NRXN3: variants seen among roughly 807,000 people sequenced by gnomAD.
NRXN3 encodes the protein neurexin III.
Under a neutral mutation model 137.6 loss-of-function variants are expected in NRXN3, and 32 were observed. The ratio of observed to expected loss-of-function variants is 0.23; its 90% CI spans 0.18 to 0.31. The LOEUF (loss-of-function observed/expected upper bound fraction) is 0.31, where lower values mean the gene tolerates loss of function less well. Among genes scored for constraint, NRXN3 ranks in the 10% least tolerant of loss-of-function variants. The probability of loss-of-function intolerance (pLI) is 1.00; values close to 1 mark genes in which losing one functional copy is unlikely to be tolerated. For missense variants in NRXN3, 1,574 were observed against 2,062.5 expected (o/e 0.76, Z 4.59); for synonymous variants, 798 against 784.5 (o/e 1.02, Z -0.29).
At chr14:78,945,481 T>C (rs1305263751) in intron 10 of NRXN3, among the ~76,000 whole-genome samples, 3 of 152,194 alleles carry the variant, frequency 2.0e-5, no homozygotes, top group Non-Finnish European at 4.4e-5. Context: ...TGAGGATTAG[T>C]CATTGCATCT....
intron 11 of NRXN3, among the ~76,000 whole-genome samples, chr14:78,959,195 G>A (rs779492604): frequency 5.3e-5 from 8 of 152,266 alleles, no homozygotes; most frequent in South Asian, 2.1e-4. Context: ...AAGGAAGAGC[G>A]TCTAGGCACA....
chr14:79,400,498 C>T (rs1365745892), intron 15 of NRXN3, among the ~76,000 whole-genome samples: 2 of 152,148 alleles, frequency 1.3e-5, no homozygotes, highest in African/African-American at 4.8e-5. Flanking sequence ...AGTTTACTTA[C>T]TTACATGAGA....
intron 1 of NRXN3, among the ~76,000 whole-genome samples, chr14:78,215,358 A>G (rs1032200221): frequency 3.3e-5 from 5 of 152,088 alleles, no homozygotes; most frequent in African/African-American, 1.2e-4. Flanking sequence ...CATCAGTGGA[A>G]GGAAGGGGTT....
intron 4 of NRXN3, among the ~76,000 whole-genome samples, chr14:78,469,156 A>C (rs973342005): frequency 6.6e-6 from 1 of 152,234 alleles, no homozygotes; most frequent in East Asian, 1.9e-4. Flanking sequence ...ATTAAGCTTA[A>C]ATTTCTGGGT....
At chr14:78,228,885 C>T (rs1381182683) in intron 1 of NRXN3, among the ~76,000 whole-genome samples, 1 of 152,064 alleles carries the variant, frequency 6.6e-6, no homozygotes, top group African/African-American at 2.4e-5. Flanking sequence ...GAATGTGTCC[C>T]CCAAATGAGT....
At chr14:79,064,641 A>G (rs1430474067) in intron 15 of NRXN3, among the ~76,000 whole-genome samples, 1 of 150,114 alleles carries the variant, frequency 6.7e-6, no homozygotes, top group Non-Finnish European at 1.5e-5. Context: ...ATATAAAACT[A>G]GCATATTAAC....
At chr14:78,672,710 C>G (rs1307393051) in intron 6 of NRXN3, among the ~76,000 whole-genome samples, 1 of 152,184 alleles carries the variant, frequency 6.6e-6, no homozygotes, top group African/African-American at 2.4e-5. Flanking sequence ...TGCTGTGTGA[C>G]CGAATGAGCC....
chr14:79,707,960 A>G (rs1446229926), intron 19 of NRXN3, among the ~76,000 whole-genome samples: 1 of 152,202 alleles, frequency 6.6e-6, no homozygotes, highest in Admixed American at 6.5e-5. Flanking sequence ...TTAGGTTGAG[A>G]GAGATGAATA....
chr14:78,514,569 A>T (rs560465709), intron 4 of NRXN3, among the ~76,000 whole-genome samples: 1 of 152,204 alleles, frequency 6.6e-6, no homozygotes, highest in Non-Finnish European at 1.5e-5. Flanking sequence ...GAGTTCAACA[A>T]ATTCAATTTA....
chr14:79,054,521 T>G (rs1443501271), intron 15 of NRXN3, among the ~76,000 whole-genome samples: 1 of 152,168 alleles, frequency 6.6e-6, no homozygotes, highest in East Asian at 1.9e-4. Context: ...GTGTGAAATC[T>G]TATTTGGGGA....
chr14:79,248,340 G>A (rs1272694483), intron 15 of NRXN3, among the ~76,000 whole-genome samples: 2 of 152,096 alleles, frequency 1.3e-5, no homozygotes, highest in Non-Finnish European at 2.9e-5. Context: ...AGAATGCACT[G>A]TGGCTCCACT....
intron 15 of NRXN3, among the ~76,000 whole-genome samples, chr14:79,212,867 CT>C (rs200773063): frequency 3.2e-3 from 459 of 142,494 alleles, no homozygotes; most frequent in Middle Eastern, 7.1e-3. Flanking sequence ...CCTTGGAATG[CT>C]TTTTTTTTTT....
intron 15 of NRXN3, among the ~76,000 whole-genome samples, chr14:79,404,864 G>T: frequency 6.6e-6 from 1 of 152,124 alleles, no homozygotes; most frequent in East Asian, 1.9e-4. Context: ...TATCTGCCCT[G>T]GCAGATATGC....
At chr14:79,229,876 T>C (rs17108976) in intron 15 of NRXN3, among the ~76,000 whole-genome samples, 3,442 of 152,194 alleles carry the variant, frequency 0.023, 119 homozygotes, top group African/African-American at 0.078. Context: ...CAGGGGTAAC[T>C]ATTTTTGCAA....
At chr14:79,732,274 G>T (rs2098926792) in intron 19 of NRXN3, among the ~76,000 whole-genome samples, 1 of 152,014 alleles carries the variant, frequency 6.6e-6, no homozygotes, top group Non-Finnish European at 1.5e-5. Flanking sequence ...TCAAGCTAAG[G>T]TCATTATTAC....
intron 4 of NRXN3, among the ~76,000 whole-genome samples, chr14:78,323,539 G>A (rs1175705807): frequency 1.3e-5 from 2 of 151,964 alleles, no homozygotes; most frequent in African/African-American, 2.4e-5. Flanking sequence ...GGAAGGGAGT[G>A]GTGTTACTAT....
intron 15 of NRXN3, among the ~76,000 whole-genome samples, chr14:79,210,393 T>C (rs368755711): frequency 2.2e-4 from 33 of 152,294 alleles, no homozygotes; most frequent in African/African-American, 7.7e-4. Flanking sequence ...GTTGAATAAA[T>C]GAACAAGATA....
intron 10 of NRXN3, among the ~76,000 whole-genome samples, chr14:78,858,338 C>T (rs147609964): frequency 3.3e-5 from 5 of 152,046 alleles, no homozygotes; most frequent in East Asian, 1.9e-4. Context: ...AATTATTGCC[C>T]GTGATTGGGT....
rs186018961 is a variant in NRXN3 at position 79,728,294 on chromosome 14, G to A, written c.4014+30357G>A. Among the ~76,000 whole-genome samples, 304 of 152,292 alleles carry A rather than the reference G, an allele frequency of 2.0e-3. 1 individual carries two copies. Among genetic ancestry groups the A allele is most frequent in the Non-Finnish European group, 3.2e-3 (221 of 68,028 alleles). ...CCCCAACTCCTTCTTCCAGCCCAGGGAGAGTCTGCAGTGAGCAAGGTAAGA... is the reference window on the plus strand; with the variant it reads ...CCCCAACTCCTTCTTCCAGCCCAGGAAGAGTCTGCAGTGAGCAAGGTAAGA... On this transcript the variant is annotated intron_variant, in intron 19 of 20. Coordinates refer to ENST00000335750, the MANE Select transcript of NRXN3 (RefSeq NM_001330195.2).
Sources: gnomAD v4.1 joint callset for allele counts (sites outside exome capture counted in the v4.1 genomes callset) on GRCh38, gnomAD v4.1.1 for gene constraint, MANE v1.5 for transcripts, NCBI Gene and HGNC (gene_info 2026-07-23, HGNC 2026-07-21) for gene names.